The following NEO1 variants were observed in gnomAD, a reference collection of about 807,000 sequenced individuals.
The protein encoded by NEO1 is neogenin 1.
In NEO1, 63 loss-of-function variants were observed where a neutral mutation model predicts 159.7. The observed-to-expected ratio is 0.39, with a 90% CI of 0.32 to 0.49. The LOEUF is 0.49. Ranked by LOEUF, NEO1 falls within the 20% of genes least tolerant of loss-of-function variation. The probability of loss-of-function intolerance (pLI) is 0.85; values close to 1 mark genes in which losing one functional copy is unlikely to be tolerated. For synonymous variants in NEO1, 633 were observed against 662.0 expected, an observed-to-expected ratio of 0.96 and a Z score of 0.67; for missense variants, 1,615 against 1,831.0, an observed-to-expected ratio of 0.88 and a Z score of 2.15.
chr15:73,302,753 T>C lies in NEO1; in HGVS notation c.*57T>C. 6.8e-7 allele frequency: 1 copy of C among 1,479,644 alleles called. No individual in the cohort carries two copies. Among genetic ancestry groups the C allele is most frequent in the Non-Finnish European group, 9.4e-7 (1 of 1,064,740 alleles). 91.7% of individuals were successfully genotyped at this position (1,479,644 alleles called of 1,614,324 possible). ...AGTCTGGAAGTCTTGGAACTTACCCTTGAAAACAAGGAATTGTACAGAGTA... is the reference window on the plus strand; with the variant it reads ...AGTCTGGAAGTCTTGGAACTTACCCCTGAAAACAAGGAATTGTACAGAGTA... On this transcript the variant is annotated 3_prime_UTR_variant, in exon 29 of 29. Coordinates refer to ENST00000261908, the MANE Select transcript of NEO1 (RefSeq NM_002499.4).
chr15:73,267,813 A>G (rs1596534651), intron 16 of NEO1, among the ~76,000 whole-genome samples: 1 of 152,212 alleles, frequency 6.6e-6, no homozygotes, highest in East Asian at 1.9e-4. Context: ...GTTGGTTCCA[A>G]GTCTTTGCTT....
rs547214633 is a variant in NEO1, at chr15:73,223,294, T to TATATA, written c.1292-13053_1292-13052insATATA. 8.1e-4 allele frequency among the ~76,000 whole-genome samples: 124 copies of TATATA among 152,320 alleles called. 2 individuals are homozygous for TATATA. In the South Asian group the frequency reaches 0.018, roughly 22 times the overall value. On this transcript the variant is annotated intron_variant, in intron 7 of 28. Coordinates refer to ENST00000261908, the MANE Select transcript of NEO1 (RefSeq NM_002499.4). Reference sequence around the variant, plus strand: ...AAATGTTCTGTATATATCTGTTAAGTCCATTTGTTCCAAGGTATAGTTTAA... The same window carrying TATATA: ...AAATGTTCTGTATATATCTGTTAAGTATATACCATTTGTTCCAAGGTATAGTTTAA...
chr15:73,154,005 A>T (rs957686608), intron 5 of NEO1, among the ~76,000 whole-genome samples: 2 of 152,206 alleles, frequency 1.3e-5, no homozygotes, highest in Non-Finnish European at 2.9e-5. Context: ...CCAAGGTATA[A>T]TTTATACTGT....
chr15:73,292,287 T>C (rs117716585), intron 25 of NEO1, among the ~76,000 whole-genome samples: 2,066 of 152,314 alleles, frequency 0.014, 19 homozygotes, highest in South Asian at 0.017. Flanking sequence ...AGGGAGATCC[T>C]TGGGGACAGA....
intron 15 of NEO1, among the ~76,000 whole-genome samples, chr15:73,265,214 G>A (rs2040830867): frequency 6.6e-6 from 1 of 152,196 alleles, no homozygotes; most frequent in African/African-American, 2.4e-5. Context: ...TTGATTGTTT[G>A]TCTGGAGGGG....
intron 27 of NEO1, among the ~76,000 whole-genome samples, chr15:73,300,784 C>T (rs1411477233): frequency 6.6e-6 from 1 of 152,230 alleles, no homozygotes; most frequent in Non-Finnish European, 1.5e-5. Flanking sequence ...TTTATGCATA[C>T]TTTCCATTTT....
Position 73,116,471 on chromosome 15 carries a change from T to G in NEO1, c.131-69T>G, listed in dbSNP as rs1030805618. Reference sequence around the variant, plus strand: ...AGTTAATAATTTTTGGACTTGTTAGTAATATATTTTCTGACAAATAATAGA... The same window carrying G: ...AGTTAATAATTTTTGGACTTGTTAGGAATATATTTTCTGACAAATAATAGA... On this transcript the variant is annotated intron_variant, in intron 1 of 28. Transcript: ENST00000261908. The G allele has an allele frequency of 3.0e-6, 4 of 1,346,306 alleles. No homozygotes were observed. The East Asian group carries it at 9.5e-5, about 32-fold the overall frequency. 83.4% of individuals were successfully genotyped at this position (1,346,306 alleles called of 1,614,324 possible).
chr15:73,297,618 C>T (rs774935518), intron 26 of NEO1, among the ~76,000 whole-genome samples: 9 of 152,194 alleles, frequency 5.9e-5, no homozygotes, highest in Non-Finnish European at 1.0e-4. Context: ...TGCTTTTCTA[C>T]CCTGCTGTGC....
chr15:73,274,640 A>G (rs1420751899), intron 20 of NEO1, 52 bp from the exon 21 acceptor site: 2 of 1,595,154 alleles, frequency 1.3e-6, no homozygotes, highest in Non-Finnish European at 1.7e-6. Context: ...CCCATCTTCA[A>G]AGCTTGTGAT....
Position 73,302,748 on chromosome 15 carries a change from T to TA in NEO1, c.*53dup, listed in dbSNP as rs3833036. ...ACCTGAGTCTGGAAGTCTTGGAACT[T>TA]ACCCTTGAAAACAAGGAATTGTACA... is the stretch of plus-strand genomic sequence containing the variant. On this transcript the variant is annotated 3_prime_UTR_variant, in exon 29 of 29. Transcript: ENST00000261908. The TA allele has an allele frequency of 0.48, 725,614 of 1,517,200 alleles. 181,561 individuals carry two copies. The highest frequency in any genetic ancestry group is 0.54 in the Admixed American group (30,944 of 57,762). 94.0% of individuals were successfully genotyped at this position (1,517,200 alleles called of 1,614,324 possible).
At chr15:73,071,062 T>C (rs933335395) in intron 1 of NEO1, among the ~76,000 whole-genome samples, 1 of 152,076 alleles carries the variant, frequency 6.6e-6, no homozygotes, top group Admixed American at 6.5e-5. Flanking sequence ...ACTCCTGGGC[T>C]CAAGCCTCCT....
chr15:73,088,916 A>G (rs1567167352), intron 1 of NEO1, among the ~76,000 whole-genome samples: 1 of 152,158 alleles, frequency 6.6e-6, no homozygotes, highest in Non-Finnish European at 1.5e-5. Flanking sequence ...AAGAAGATTC[A>G]GAAAGAGTAA....
intron 8 of NEO1, among the ~76,000 whole-genome samples, chr15:73,238,165 A>G (rs949047180): frequency 3.3e-5 from 5 of 152,166 alleles, no homozygotes; most frequent in Admixed American, 6.5e-5. Context: ...AAATGCTGCA[A>G]ACCAGAGCCA....
Position 73,125,642 on chromosome 15 carries a change from T to C in NEO1, c.725-775T>C, listed in dbSNP as rs192974330. Reference sequence around the variant, plus strand: ...TCAATATTAAGTTAATATTACCTTATTGAGGAGAGAACTCTGTCTTCTGCC... The same window carrying C: ...TCAATATTAAGTTAATATTACCTTACTGAGGAGAGAACTCTGTCTTCTGCC... On this transcript the variant is annotated intron_variant, in intron 3 of 28. Coordinates refer to ENST00000261908, the MANE Select transcript of NEO1 (RefSeq NM_002499.4). Among the ~76,000 whole-genome samples the C allele has an allele frequency of 2.1e-3, 325 of 152,322 alleles. 1 individual carries two copies. Among genetic ancestry groups the C allele is most frequent in the African/African-American group, 7.5e-3 (310 of 41,584 alleles).
chr15:73,198,442 A>T (rs1596321544), intron 7 of NEO1, among the ~76,000 whole-genome samples: 1 of 152,108 alleles, frequency 6.6e-6, no homozygotes, highest in Non-Finnish European at 1.5e-5. Flanking sequence ...ATACAGTTTC[A>T]TCATCTTTTA....
chr15:73,196,761 A>G (rs891122963), intron 7 of NEO1, among the ~76,000 whole-genome samples: 27 of 152,198 alleles, frequency 1.8e-4, no homozygotes, highest in African/African-American at 6.3e-4. Context: ...GGCAAATCCT[A>G]TTAGGTTTCC....
chr15:73,059,460 G>C (rs1275794170), intron 1 of NEO1, among the ~76,000 whole-genome samples: 1 of 152,140 alleles, frequency 6.6e-6, no homozygotes, highest in African/African-American at 2.4e-5. Context: ...GGCAAAGCTA[G>C]GAGTTGCAGT....
Position 73,135,989 on chromosome 15 carries a change from A to G in NEO1, c.977A>G (p.Asn326Ser), listed in dbSNP as rs1212744563. The G allele has an allele frequency of 6.2e-7, 1 of 1,611,628 alleles. No homozygotes were observed. Among genetic ancestry groups the G allele is most frequent in the South Asian group, 1.1e-5 (1 of 90,680 alleles). Residue 326 changes from asparagine (N) to serine (S), a missense_variant, in exon 5 of 29, where the codon AAT (asparagine) becomes AGT (serine). Physicochemically the swap from Asn to Ser is conservative, Grantham distance 46. Around this residue, in one of 3 missense-constraint regions of NEO1, gnomAD observed 1,018 missense variants for 1,115.4 expected, o/e 0.91. Coordinates refer to ENST00000261908, the MANE Select transcript of NEO1 (RefSeq NM_002499.4). ...GTYFCIADNG[N>S]ETIEAQAELT... The stretch of plus-strand genomic sequence containing the variant: ...TATTTTTGTATAGCTGATAATGGAA[A>G]TGAGACAATTGAAGCTCAAGCAGAG...
At chr15:73,170,493 T>A (rs1317592033) in intron 5 of NEO1, among the ~76,000 whole-genome samples, 2 of 152,222 alleles carry the variant, frequency 1.3e-5, no homozygotes, top group African/African-American at 4.8e-5. Context: ...TGAAGTCCAA[T>A]AGAGTCATGT....
Sources: gnomAD v4.1 joint callset for allele counts (sites outside exome capture counted in the v4.1 genomes callset) on GRCh38, gnomAD v4.1.1 for gene constraint, gnomAD v4.1.1 regional missense constraint, MANE v1.5 for transcripts, NCBI Gene and HGNC (gene_info 2026-07-23, HGNC 2026-07-21) for gene names.